Variants in TAFA5 observed in about 807,000 individuals in gnomAD.
The protein encoded by TAFA5 is chemokine-like protein TAFA-5.
In TAFA5, 6 loss-of-function variants were observed where a neutral mutation model predicts 15.3. The observed-to-expected ratio is 0.39, with a 90% confidence interval of 0.21 to 0.77. The LOEUF (loss-of-function observed/expected upper bound fraction) is 0.77, where lower values mean the gene tolerates loss of function less well. Among genes scored for constraint, TAFA5 ranks in the 30% least tolerant of loss-of-function variants. The pLI is 0.41. For synonymous variants in TAFA5, 103 were observed against 80.7 expected, an observed-to-expected ratio of 1.28 and a Z score of -1.48; for missense variants, 161 against 193.1, an observed-to-expected ratio of 0.83 and a Z score of 0.98.
At chr22:48,719,466 G>C (rs1198134078) in intron 3 of TAFA5, among the ~76,000 whole-genome samples, 1 of 152,196 alleles carries the variant, frequency 6.6e-6, no homozygotes, top group African/African-American at 2.4e-5. Context: ...CCAGGGGAGA[G>C]GAAAACTGCC....
At chr22:48,640,409 G>C (rs1461351704) in intron 1 of TAFA5, among the ~76,000 whole-genome samples, 1 of 152,206 alleles carries the variant, frequency 6.6e-6, no homozygotes. Context: ...TGTGCGCCCA[G>C]TGCAGACACA....
chr22:48,673,135 G>T (rs1019765591), intron 2 of TAFA5, among the ~76,000 whole-genome samples: 9 of 152,170 alleles, frequency 5.9e-5, no homozygotes, highest in Non-Finnish European at 2.9e-5. Flanking sequence ...CGGTCTCGTT[G>T]TTCAAGTTCT....
chr22:48,678,496 A>G (rs1462137477), intron 2 of TAFA5, among the ~76,000 whole-genome samples: 1 of 151,908 alleles, frequency 6.6e-6, no homozygotes. Flanking sequence ...AAGGGCTTCA[A>G]ACAGGTCCTT....
At chr22:48,716,428 G>T (rs576035601) in intron 3 of TAFA5, among the ~76,000 whole-genome samples, 1 of 152,146 alleles carries the variant, frequency 6.6e-6, no homozygotes, top group Non-Finnish European at 1.5e-5. Flanking sequence ...ACAGAAAACC[G>T]AACACCACGT....
chr22:48,576,468 T>C (rs1348358435), intron 1 of TAFA5: 2 of 1,438,788 alleles, frequency 1.4e-6, no homozygotes, highest in Admixed American at 2.2e-5. Flanking sequence ...GTCGGCCGAG[T>C]TGGGACTCCG....
intron 1 of TAFA5, among the ~76,000 whole-genome samples, chr22:48,499,191 CTG>C (rs548837386): frequency 1.9e-3 from 284 of 152,336 alleles, no homozygotes; most frequent in African/African-American, 6.4e-3. Flanking sequence ...AATCTCTTCT[CTG>C]TCTTAATTTC....
At chr22:48,624,824 G>A (rs1161353018) in intron 1 of TAFA5, among the ~76,000 whole-genome samples, 3 of 152,200 alleles carry the variant, frequency 2.0e-5, no homozygotes, top group Non-Finnish European at 4.4e-5. Flanking sequence ...TCTTGGCCGG[G>A]TGTGGTGGCT....
rs1281893886 is a variant in TAFA5 at position 48,681,909 on chromosome 22, C to T, written c.263-25808C>T. Among the ~76,000 whole-genome samples, 4 of 119,716 alleles carry T rather than the reference C, an allele frequency of 3.3e-5. 1 individual carries two copies. In the East Asian group the frequency reaches 8.2e-4, roughly 25 times the overall value. 78.5% of individuals were successfully genotyped at this position (119,716 alleles called of 152,430 possible). On this transcript the variant is annotated intron_variant, in intron 2 of 3. Transcript: ENST00000402357. The stretch of plus-strand genomic sequence containing the variant: ...GGGGAAATGGCCTTAGGTTCTCGCA[C>T]AGATCCGTCCACTGTCCTAGGAGCT...
intron 1 of TAFA5, among the ~76,000 whole-genome samples, chr22:48,616,451 G>A (rs1404500942): frequency 6.6e-6 from 1 of 152,180 alleles, no homozygotes; most frequent in Non-Finnish European, 1.5e-5. Context: ...TAATGCATGG[G>A]ATCAGGTGCA....
intron 2 of TAFA5, among the ~76,000 whole-genome samples, chr22:48,691,265 CCT>C (rs1383262719): frequency 6.6e-6 from 1 of 152,196 alleles, no homozygotes; most frequent in Non-Finnish European, 1.5e-5. Context: ...GGAGCCGCCT[CCT>C]CTCGTGGCTG....
chr22:48,662,024 G>A (rs1569069117), intron 2 of TAFA5, among the ~76,000 whole-genome samples: 1 of 151,386 alleles, frequency 6.6e-6, no homozygotes, highest in African/African-American at 2.4e-5. Context: ...TGGGGAGATG[G>A]TGACTGGGGG....
chr22:48,610,252 G>T (rs1925350058), intron 1 of TAFA5, among the ~76,000 whole-genome samples: 2 of 152,120 alleles, frequency 1.3e-5, no homozygotes, highest in South Asian at 4.2e-4. Flanking sequence ...GGACAGGCCG[G>T]AGGCTGCATC....
chr22:48,501,909 GT>G (rs1156402647), intron 1 of TAFA5, among the ~76,000 whole-genome samples: 3 of 152,224 alleles, frequency 2.0e-5, no homozygotes, highest in African/African-American at 7.2e-5. Context: ...GAATGGAGGA[GT>G]TGCAGAGATG....
At chr22:48,749,797 C>A in intron 3 of TAFA5, 42 bp from the exon 4 acceptor site, 1 of 1,557,652 alleles carries the variant, frequency 6.4e-7, no homozygotes, top group Non-Finnish European at 8.7e-7. Context: ...CCCTGGGCAG[C>A]GTCTGCAGGA....
chr22:48,518,345 G>T (rs1046882497), intron 1 of TAFA5, among the ~76,000 whole-genome samples: 1 of 152,214 alleles, frequency 6.6e-6, no homozygotes, highest in African/African-American at 2.4e-5. Flanking sequence ...TCCACATTCA[G>T]AGAGCTAGAA....
intron 3 of TAFA5, among the ~76,000 whole-genome samples, chr22:48,738,485 C>T (rs1930093629): frequency 6.6e-6 from 1 of 152,112 alleles, no homozygotes; most frequent in African/African-American, 2.4e-5. Flanking sequence ...GCTCCTGAGT[C>T]TCATCTCGCT....
chr22:48,688,294 AT>A (rs1281204213), intron 2 of TAFA5, among the ~76,000 whole-genome samples: 2 of 152,282 alleles, frequency 1.3e-5, no homozygotes, highest in Non-Finnish European at 2.9e-5. Context: ...TAAAGAAAAA[AT>A]AATTATCAAG....
intron 2 of TAFA5, among the ~76,000 whole-genome samples, chr22:48,680,674 A>G (rs1928155611): frequency 6.6e-6 from 1 of 152,206 alleles, no homozygotes; most frequent in African/African-American, 2.4e-5. Flanking sequence ...TGTGCATGCC[A>G]GGTCTCTAGG....
At chr22:48,583,632 A>AGCC (rs1924187932) in intron 1 of TAFA5, among the ~76,000 whole-genome samples, 1 of 4,222 alleles carries the variant, frequency 2.4e-4, no homozygotes, top group Non-Finnish European at 5.5e-4. Flanking sequence ...AATACACCAT[A>AGCC]CACAAACCAC....
Sources: allele counts gnomAD v4.1 joint callset (sites outside exome capture counted in the v4.1 genomes callset), GRCh38; gene constraint gnomAD v4.1.1; transcripts MANE v1.5; gene names NCBI Gene and HGNC (gene_info 2026-07-23, HGNC 2026-07-21).